The following NPR3 variants were observed in gnomAD, a reference collection of about 807,000 sequenced individuals.
NPR3 encodes natriuretic peptide receptor 3.
A neutral mutation model predicts 54.5 loss-of-function variants in NPR3; 34 were observed. That is an observed-to-expected ratio of 0.62 (90% confidence interval 0.47 to 0.83). NPR3 has a LOEUF of 0.83. Ranked by LOEUF, NPR3 falls within the 40% of genes least tolerant of loss-of-function variation. NPR3 has a pLI of 0.00. For missense variants in NPR3, 674 were observed against 720.8 expected, an observed-to-expected ratio of 0.94 and a Z score of 0.74; for synonymous variants, 289 against 297.1, an observed-to-expected ratio of 0.97 and a Z score of 0.28.
chr5:32,778,451 A>G (rs986125410), intron 4 of NPR3, among the ~76,000 whole-genome samples: 1 of 152,224 alleles, frequency 6.6e-6, no homozygotes, highest in Non-Finnish European at 1.5e-5. Flanking sequence ...TAAGTTGTCA[A>G]GGGAAAAATA....
rs754994526 is a variant in NPR3 at position 32,712,254 on chromosome 5, C to T, written c.478C>T (p.Leu160=). ...WDLPMLSAGA[L]AAGFQHKDSE... ...CCTGCCCATGCTGTCGGCTGGGGCG[C>T]TGGCCGCTGGCTTCCAGCACAAGGA... The change falls in exon 1 of 8, where the codon CTG becomes TTG. Residue 160 remains leucine, a synonymous_variant. Coordinates refer to ENST00000265074, the MANE Select transcript of NPR3 (RefSeq NM_001204375.2). 3.1e-6 allele frequency: 5 copies of T among 1,612,516 alleles called. No homozygotes were observed. Among genetic ancestry groups the T allele is most frequent in the Admixed American group, 1.7e-5 (1 of 60,000 alleles).
chr5:32,701,277 C>T (rs958562214), intron 1 of NPR3, among the ~76,000 whole-genome samples: 2 of 152,108 alleles, frequency 1.3e-5, no homozygotes, highest in African/African-American at 4.8e-5. Context: ...TGCATGATCA[C>T]TTCTGCTGTT....
At chr5:32,776,372 T>C (rs1742049753) in intron 4 of NPR3, among the ~76,000 whole-genome samples, 1 of 152,238 alleles carries the variant, frequency 6.6e-6, no homozygotes, top group Non-Finnish European at 1.5e-5. Context: ...CAATATGCTA[T>C]CACAAGCCTC....
chr5:32,726,731 G>A (rs551294660), intron 2 of NPR3, among the ~76,000 whole-genome samples: 3 of 152,260 alleles, frequency 2.0e-5, no homozygotes, highest in Admixed American at 6.5e-5. Flanking sequence ...TACAATACAT[G>A]AGTATTGTAG....
rs1405021495 is a variant in NPR3 at position 32,788,991 on chromosome 5, T to C, written c.*2646T>C. 1 of 153,954 alleles carries C rather than the reference T, an allele frequency of 6.5e-6. No individual in the cohort carries two copies. Among genetic ancestry groups the C allele is most frequent in the Non-Finnish European group, 1.4e-5 (1 of 69,254 alleles). 9.5% of individuals were successfully genotyped at this position (153,954 alleles called of 1,614,324 possible). ...TGGATTCAGGTCTCTCATGATTATA[T>C]TTGGGGATTTACGTTCCTAACTGCT... On this transcript the variant is annotated 3_prime_UTR_variant, in exon 8 of 8. Coordinates refer to ENST00000265074, the MANE Select transcript of NPR3 (RefSeq NM_001204375.2).
chr5:32,735,364 G>A (rs1007365670), intron 2 of NPR3, among the ~76,000 whole-genome samples: 1 of 151,324 alleles, frequency 6.6e-6, no homozygotes, highest in Non-Finnish European at 1.5e-5. Flanking sequence ...CTGTTGTACA[G>A]TCTTGAGATT....
intron 2 of NPR3, among the ~76,000 whole-genome samples, chr5:32,734,070 C>T (rs1408683178): frequency 6.6e-6 from 1 of 152,184 alleles, no homozygotes; most frequent in African/African-American, 2.4e-5. Context: ...AGAAATACTG[C>T]AGGTCGAACA....
intron 3 of NPR3, among the ~76,000 whole-genome samples, chr5:32,774,257 A>G (rs1180545635): frequency 3.9e-5 from 6 of 152,252 alleles, no homozygotes; most frequent in Admixed American, 6.5e-5. Flanking sequence ...GTTGCTAAAT[A>G]TAAGTGAATG....
chr5:32,728,849 A>G (rs1462216710), intron 2 of NPR3, among the ~76,000 whole-genome samples: 1 of 117,478 alleles, frequency 8.5e-6, no homozygotes, highest in African/African-American at 3.8e-5. Context: ...ATATATATAT[A>G]TATATATATA....
Position 32,786,640 on chromosome 5 carries a change from C to A in NPR3, c.*295C>A. On this transcript the variant is annotated 3_prime_UTR_variant, in exon 8 of 8. Coordinates refer to ENST00000265074, the MANE Select transcript of NPR3 (RefSeq NM_001204375.2). ...TTATGTTTTTAAAATCTGTTGTCTC[C>A]ATATCTTGATGGCTTTTGGGAGCAT... is the stretch of plus-strand genomic sequence containing the variant. The A allele has an allele frequency of 3.4e-6, 1 of 292,272 alleles. No individual in the cohort carries two copies. The highest frequency in any genetic ancestry group is 6.2e-6 in the Non-Finnish European group (1 of 161,948). The allele number at this position is 292,272 out of a possible 1,614,324, so 18.1% of individuals were successfully genotyped here.
At chr5:32,783,867 G>A (rs1018855021) in intron 6 of NPR3, among the ~76,000 whole-genome samples, 2 of 152,130 alleles carry the variant, frequency 1.3e-5, no homozygotes, top group African/African-American at 4.8e-5. Context: ...CCACCTAAGC[G>A]TTTTGAGGGC....
At chr5:32,752,323 A>G (rs1261196298) in intron 3 of NPR3, among the ~76,000 whole-genome samples, 1 of 152,230 alleles carries the variant, frequency 6.6e-6, no homozygotes, top group Non-Finnish European at 1.5e-5. Flanking sequence ...TTGAAAAGTT[A>G]TCAGATCATC....
chr5:32,714,333 C>T (rs112397118), intron 1 of NPR3, among the ~76,000 whole-genome samples: 2 of 151,684 alleles, frequency 1.3e-5, no homozygotes, highest in Non-Finnish European at 2.9e-5. Flanking sequence ...ATCGCGGCCC[C>T]GGGGCCCCTC....
chr5:32,724,190 A>G (rs1739017098), intron 1 of NPR3, among the ~76,000 whole-genome samples: 1 of 152,204 alleles, frequency 6.6e-6, no homozygotes, highest in African/African-American at 2.4e-5. Flanking sequence ...AATGCCCTTT[A>G]TAGCAAAACA....
chr5:32,721,512 A>G (rs770987166), intron 1 of NPR3, among the ~76,000 whole-genome samples: 4 of 152,126 alleles, frequency 2.6e-5, no homozygotes, highest in Non-Finnish European at 5.9e-5. Context: ...GTGTGGTAAC[A>G]TGCACCTGTA....
chr5:32,731,886 C>G (rs1739467324), intron 2 of NPR3, among the ~76,000 whole-genome samples: 1 of 152,064 alleles, frequency 6.6e-6, no homozygotes, highest in East Asian at 1.9e-4. Context: ...ATGATGACTT[C>G]CTAATGTCAT....
chr5:32,744,183 G>C (rs2111963668), intron 3 of NPR3, among the ~76,000 whole-genome samples: 1 of 151,910 alleles, frequency 6.6e-6, no homozygotes, highest in South Asian at 2.1e-4. Context: ...AGTAGAGATG[G>C]GGTTTCACTA....
chr5:32,717,501 T>C (rs1738620365), intron 1 of NPR3, among the ~76,000 whole-genome samples: 1 of 152,216 alleles, frequency 6.6e-6, no homozygotes, highest in Non-Finnish European at 1.5e-5. Flanking sequence ...TTTCTCCACA[T>C]CCTCTCCAGC....
intron 1 of NPR3, among the ~76,000 whole-genome samples, chr5:32,716,178 G>A (rs1240985258): frequency 6.6e-6 from 1 of 152,140 alleles, no homozygotes; most frequent in Non-Finnish European, 1.5e-5. Flanking sequence ...CAGCCAGAGA[G>A]AAATCTTTTT....
Sources: gnomAD v4.1 joint callset for allele counts (sites outside exome capture counted in the v4.1 genomes callset) on GRCh38, gnomAD v4.1.1 for gene constraint, MANE v1.5 for transcripts, NCBI Gene and HGNC (gene_info 2026-07-23, HGNC 2026-07-21) for gene names.